The following CPNE8 variants were observed in gnomAD, a reference collection of about 807,000 sequenced individuals.
CPNE8 encodes the protein copine-8.
Under a neutral mutation model 81.5 loss-of-function variants are expected in CPNE8, and 45 were observed. That is an observed-to-expected ratio of 0.55 (90% confidence interval 0.44 to 0.71). The LOEUF is 0.71. Among genes scored for constraint, CPNE8 ranks in the 30% least tolerant of loss-of-function variants. The probability of loss-of-function intolerance (pLI) is 0.00; values close to 1 mark genes in which losing one functional copy is unlikely to be tolerated. For missense variants in CPNE8, 594 were observed against 672.1 expected, an observed-to-expected ratio of 0.88 and a Z score of 1.28; for synonymous variants, 252 against 226.3, an observed-to-expected ratio of 1.11 and a Z score of -1.02.
chr12:38,893,917 C>CT (rs1349813931), intron 1 of CPNE8, among the ~76,000 whole-genome samples: 2 of 152,016 alleles, frequency 1.3e-5, no homozygotes, highest in African/African-American at 4.8e-5. Flanking sequence ...GTAAAATAGC[C>CT]TTTTTTGTTT....
At chr12:38,888,115 A>G (rs1192493750) in intron 1 of CPNE8, among the ~76,000 whole-genome samples, 1 of 152,178 alleles carries the variant, frequency 6.6e-6, no homozygotes, top group African/African-American at 2.4e-5. Flanking sequence ...ACATCACTCT[A>G]CCCAACATCA....
intron 13 of CPNE8, among the ~76,000 whole-genome samples, chr12:38,710,583 G>A (rs1940231437): frequency 6.6e-6 from 1 of 152,160 alleles, no homozygotes; most frequent in African/African-American, 2.4e-5. Context: ...TACTCTACAT[G>A]CTGTAGGACA....
At chr12:38,773,600 C>T (rs986121123) in intron 7 of CPNE8, among the ~76,000 whole-genome samples, 6 of 152,112 alleles carry the variant, frequency 3.9e-5, no homozygotes, top group Non-Finnish European at 5.9e-5. Flanking sequence ...GGTGAGCTGA[C>T]TCTAAAGCTT....
chr12:38,906,747 C>G (rs1011899297), upstream of CPNE8: 1 of 347,128 alleles, frequency 2.9e-6, no homozygotes, highest in African/African-American at 2.2e-5. Context: ...GCCTTCCCTC[C>G]TGCCTCACCC....
At chr12:38,877,405 TC>T (rs1385072665) in intron 1 of CPNE8, among the ~76,000 whole-genome samples, 1 of 152,032 alleles carries the variant, frequency 6.6e-6, no homozygotes, top group Non-Finnish European at 1.5e-5. Context: ...AGAAGGCTAC[TC>T]TTCCCTCCAT....
chr12:38,686,585 A>G (rs188802171), intron 15 of CPNE8, among the ~76,000 whole-genome samples: 1 of 152,364 alleles, frequency 6.6e-6, no homozygotes, highest in Admixed American at 6.5e-5. Flanking sequence ...AACATTTATT[A>G]TCTCACACAT....
chr12:38,671,396 C>A (rs1000095394), intron 18 of CPNE8, among the ~76,000 whole-genome samples: 2 of 151,958 alleles, frequency 1.3e-5, no homozygotes, highest in African/African-American at 4.8e-5. Flanking sequence ...TTCTGAAGTA[C>A]AATTTTTTTG....
chr12:38,733,025 A>G (rs1184533366), intron 10 of CPNE8, among the ~76,000 whole-genome samples: 1 of 151,992 alleles, frequency 6.6e-6, no homozygotes, highest in African/African-American at 2.4e-5. Context: ...GCATCCATTC[A>G]GCATCTAGAG....
chr12:38,655,210 T>C (rs1449307528), intron 19 of CPNE8, among the ~76,000 whole-genome samples: 2 of 152,342 alleles, frequency 1.3e-5, no homozygotes, highest in East Asian at 3.9e-4. Flanking sequence ...AAATGATTAC[T>C]ATATCTTTAT....
rs1314125363 is a variant in CPNE8 at position 38,685,547 on chromosome 12, T to C, written c.1214A>G (p.Lys405Arg). The C allele has an allele frequency of 6.2e-7, 1 of 1,613,644 alleles. No individual in the cohort carries two copies. Among genetic ancestry groups the C allele is most frequent in the African/African-American group, 1.3e-5 (1 of 75,002 alleles). Residue 405 changes from lysine to arginine, a missense_variant, in exon 16 of 20, where the codon AAA (lysine) becomes AGA (arginine). By Grantham distance (26) the Lys-to-Arg change is conservative. Transcript: ENST00000331366. ...GVMEAYYRSL[K>R]SVQLYGPTNF... ...GGTGGGCCCATATAGTTGTACAGAT[T>C]TCAGACTCCTGTAATAAGCCTCCAT...
chr12:38,736,768 T>A (rs1403523), intron 10 of CPNE8, among the ~76,000 whole-genome samples: 83,949 of 151,814 alleles, frequency 0.55, 23,771 homozygotes, highest in East Asian at 0.81. Context: ...GATAGTTAAG[T>A]CAAAAAATTC....
chr12:38,711,604 G>A (rs1382487517), intron 13 of CPNE8, among the ~76,000 whole-genome samples: 1 of 152,056 alleles, frequency 6.6e-6, no homozygotes, highest in Non-Finnish European at 1.5e-5. Flanking sequence ...AAGTAGCTGG[G>A]ATTACAGGCA....
At chr12:38,769,426 G>GTATTATCTATACTATCTATT (rs1300683051) in intron 7 of CPNE8, among the ~76,000 whole-genome samples, 116 of 152,088 alleles carry the variant, frequency 7.6e-4, no homozygotes, top group Non-Finnish European at 1.1e-3. Context: ...ATCTATTATA[G>GTATTATCTATACTATCTATT]AAGTAGTGAA....
intron 3 of CPNE8, among the ~76,000 whole-genome samples, chr12:38,855,342 A>G (rs1943713685): frequency 6.6e-6 from 1 of 152,078 alleles, no homozygotes; most frequent in Non-Finnish European, 1.5e-5. Context: ...CAAAATTCCA[A>G]GTCATTTTTC....
At chr12:38,727,822 G>T (rs1158275735) in intron 11 of CPNE8, among the ~76,000 whole-genome samples, 1 of 152,140 alleles carries the variant, frequency 6.6e-6, no homozygotes, top group African/African-American at 2.4e-5. Context: ...GCCCTTTGAA[G>T]GGGTGTACAC....
chr12:38,746,540 C>A (rs1168379984), intron 10 of CPNE8, among the ~76,000 whole-genome samples: 5 of 152,168 alleles, frequency 3.3e-5, no homozygotes, highest in Admixed American at 3.3e-4. Flanking sequence ...CATTTTGACA[C>A]AAGTGAAAGT....
intron 6 of CPNE8, among the ~76,000 whole-genome samples, chr12:38,817,724 T>C (rs1268386046): frequency 6.8e-6 from 1 of 146,504 alleles, no homozygotes; most frequent in Non-Finnish European, 1.5e-5. Context: ...CCTGGGTTCA[T>C]GCCATTCTCC....
intron 4 of CPNE8, among the ~76,000 whole-genome samples, chr12:38,841,631 C>T (rs1943469065): frequency 6.6e-6 from 1 of 152,044 alleles, no homozygotes; most frequent in Non-Finnish European, 1.5e-5. Context: ...TCTGTGAGAG[C>T]TTTATTTTGA....
chr12:38,707,472 G>A (rs1485039602), intron 13 of CPNE8, among the ~76,000 whole-genome samples: 2 of 150,836 alleles, frequency 1.3e-5, no homozygotes, highest in African/African-American at 2.4e-5. Context: ...AGGGAAGGAA[G>A]GTAAGAAGGA....
Sources: gnomAD v4.1 joint callset for allele counts (sites outside exome capture counted in the v4.1 genomes callset) on GRCh38, gnomAD v4.1.1 for gene constraint, MANE v1.5 for transcripts, NCBI Gene and HGNC (gene_info 2026-07-23, HGNC 2026-07-21) for gene names.